ABCD3: variants seen among roughly 807,000 people sequenced by gnomAD.
ABCD3 encodes the protein ATP binding cassette subfamily D member 3, also known as ATP-binding cassette sub-family D member 3.
A neutral mutation model predicts 105.5 loss-of-function variants in ABCD3; 41 were observed. The observed-to-expected ratio is 0.39, with a 90% confidence interval of 0.30 to 0.50. The LOEUF is 0.50. Among genes scored for constraint, ABCD3 ranks in the 20% least tolerant of loss-of-function variants. The probability of loss-of-function intolerance (pLI) is 0.84; values close to 1 mark genes in which losing one functional copy is unlikely to be tolerated. For missense variants in ABCD3, 622 were observed against 806.3 expected, an observed-to-expected ratio of 0.77 and a Z score of 2.77; for synonymous variants, 258 against 269.0, an observed-to-expected ratio of 0.96 and a Z score of 0.40.
At chr1:94,510,191 C>G (rs1367377256) in intron 21 of ABCD3, among the ~76,000 whole-genome samples, 17 of 152,106 alleles carry the variant, frequency 1.1e-4, no homozygotes, top group Admixed American at 9.8e-4. Context: ...TATGTTGTGT[C>G]TTTGTTCTCC....
At chr1:94,409,871 G>A in the ABCD3 span, among the ~76,000 whole-genome samples, 1 of 152,172 alleles carries the variant, frequency 6.6e-6, no homozygotes. Context: ...GCTCAGCAAA[G>A]TATCCAATCA....
intron 1 of ABCD3, among the ~76,000 whole-genome samples, chr1:94,422,699 T>G (rs1172227672): frequency 6.6e-6 from 1 of 152,228 alleles, no homozygotes; most frequent in African/African-American, 2.4e-5. Flanking sequence ...GAAGAACTTT[T>G]AAGCGTAATT....
chr1:94,423,677 T>C (rs1054774234), intron 1 of ABCD3, among the ~76,000 whole-genome samples: 4 of 152,182 alleles, frequency 2.6e-5, no homozygotes, highest in African/African-American at 9.7e-5. Context: ...ATGCTTTTAT[T>C]TAGAAGTTTT....
At chr1:94,484,801 A>G (rs534048382) in intron 10 of ABCD3, among the ~76,000 whole-genome samples, 1 of 152,338 alleles carries the variant, frequency 6.6e-6, no homozygotes, top group South Asian at 2.1e-4. Context: ...ACATAAAAAA[A>G]AAATTAAGTG....
intron 8 of ABCD3, chr1:94,478,787 A>G: frequency 1.6e-6 from 1 of 641,032 alleles, no homozygotes; most frequent in Middle Eastern, 5.3e-4. Context: ...CCATTTTAAT[A>G]TGAAATTCTA....
At position 94,518,515 on chromosome 1, in the gene ABCD3, C is replaced by A. The variant is rs1006036599; in HGVS notation, c.*1386C>A. On this transcript the variant is annotated 3_prime_UTR_variant, in exon 23 of 23. Coordinates refer to ENST00000370214, the MANE Select transcript of ABCD3 (RefSeq NM_002858.4). ...TCAGATTAAAAAAAAAAAAAAAAAA[C>A]TCAGATATCCTATACAACCTTTGCT... The A allele has an allele frequency of 2.4e-4, 34 of 139,854 alleles. No individual in the cohort carries two copies. Among genetic ancestry groups the A allele is most frequent in the African/African-American group, 8.6e-4 (33 of 38,298 alleles). 8.7% of individuals were successfully genotyped at this position (139,854 alleles called of 1,614,324 possible). A position where few individuals can be genotyped will look rare whatever the true frequency, so the allele number is the denominator to read the frequency against.
chr1:94,508,385 G>T (rs1650471844), intron 21 of ABCD3, among the ~76,000 whole-genome samples: 1 of 152,156 alleles, frequency 6.6e-6, no homozygotes, highest in East Asian at 1.9e-4. Context: ...TGCTGTTTTG[G>T]TTACTGTAGC....
chr1:94,439,169 A>G (rs1019225320), intron 1 of ABCD3, among the ~76,000 whole-genome samples: 5 of 152,070 alleles, frequency 3.3e-5, no homozygotes, highest in African/African-American at 4.8e-5. Flanking sequence ...GTACTTGAAA[A>G]TTTGTCTGGA....
intron 13 of ABCD3, among the ~76,000 whole-genome samples, chr1:94,489,305 TAATA>T (rs2101023415): frequency 6.6e-6 from 1 of 152,188 alleles, no homozygotes; most frequent in Admixed American, 6.5e-5. Flanking sequence ...GGCATACATT[TAATA>T]AATGCCTTCC....
At chr1:94,443,012 T>A (rs1660189243) in intron 1 of ABCD3, among the ~76,000 whole-genome samples, 1 of 152,172 alleles carries the variant, frequency 6.6e-6, no homozygotes. Context: ...GAATGGTAGT[T>A]CTGTTTTTAG....
chr1:94,388,306 T>C, the ABCD3 span, among the ~76,000 whole-genome samples: 1 of 152,184 alleles, frequency 6.6e-6, no homozygotes, highest in Non-Finnish European at 1.5e-5. Context: ...CACAAAGATA[T>C]ATTGTTGCAT....
chr1:94,422,411 TCATCCTGAAAC>T (rs1434159162), intron 1 of ABCD3, among the ~76,000 whole-genome samples: 3 of 152,220 alleles, frequency 2.0e-5, no homozygotes, highest in Admixed American at 6.5e-5. Flanking sequence ...CAAAACAGTT[TCATCCTGAAAC>T]CATCCCCCAA....
Position 94,489,912 on chromosome 1 carries a change from G to A in ABCD3, c.1259G>A (p.Gly420Glu). 6.2e-7 allele frequency: 1 copy of A among 1,613,042 alleles called. No individual in the cohort carries two copies. Among genetic ancestry groups the A allele is most frequent in the Non-Finnish European group, 8.5e-7 (1 of 1,179,256 alleles). The change falls in exon 15 of 23, where the codon GGA becomes GAA. Residue 420 changes from glycine (G) to glutamate (E), a missense_variant. Around this residue, in one of 4 missense-constraint regions of ABCD3, gnomAD observed 285 missense variants for 352.5 expected, o/e 0.81. Coordinates refer to ENST00000370214, the MANE Select transcript of ABCD3 (RefSeq NM_002858.4). Reference sequence around the variant, plus strand: ...CTATTTTCCATTTAAGGTATTGAAGGAGTACAAGTCATTCCCTTGATACCT... The same window carrying A: ...CTATTTTCCATTTAAGGTATTGAAGAAGTACAAGTCATTCCCTTGATACCT... ...MVSQQEKGIEGVQVIPLIPGA... is the reference protein window; with the variant it reads ...MVSQQEKGIEEVQVIPLIPGA...
chr1:94,415,119 C>G (rs528499043), upstream of ABCD3, among the ~76,000 whole-genome samples: 1 of 152,318 alleles, frequency 6.6e-6, no homozygotes, highest in Non-Finnish European at 1.5e-5. Context: ...CAATCCAAGA[C>G]ACCAAGGCAG....
intron 3 of ABCD3, among the ~76,000 whole-genome samples, chr1:94,465,521 TGC>T (rs1648094597): frequency 6.6e-6 from 1 of 152,234 alleles, no homozygotes; most frequent in African/African-American, 2.4e-5. Context: ...GCTAGGGTAC[TGC>T]CATACAGCTA....
intron 1 of ABCD3, among the ~76,000 whole-genome samples, chr1:94,450,562 A>C (rs1265532197): frequency 6.6e-6 from 1 of 152,226 alleles, no homozygotes; most frequent in Non-Finnish European, 1.5e-5. Flanking sequence ...AGCCAGACCC[A>C]TCCCTTTATT....
intron 15 of ABCD3, among the ~76,000 whole-genome samples, chr1:94,490,618 A>T (rs544792851): frequency 6.6e-6 from 1 of 152,042 alleles, no homozygotes; most frequent in African/African-American, 2.4e-5. Context: ...TTTTGTGTGT[A>T]TGTGAATATA....
Position 94,418,497 on chromosome 1 carries a change from T to C in ABCD3, c.19T>C (p.Tyr7His), listed in dbSNP as rs1659114107. The change falls in exon 1 of 23, where the codon TAC becomes CAC. Residue 7 changes from tyrosine (Y) to histidine (H), a missense_variant. Coordinates refer to ENST00000370214, the MANE Select transcript of ABCD3 (RefSeq NM_002858.4). The stretch of plus-strand genomic sequence containing the variant: ...CAGTGCCATGGCGGCCTTCAGCAAG[T>C]ACTTGACGGCGCGAAACTCCTCGCT... MAAFSK[Y>H]LTARNSSLAG... The C allele has an allele frequency of 6.2e-6, 10 of 1,604,202 alleles. No homozygotes were observed. The highest frequency in any genetic ancestry group is 8.5e-6 in the Non-Finnish European group (10 of 1,178,826).
intron 8 of ABCD3, 93 bp from the exon 9 acceptor site, chr1:94,480,371 A>T: frequency 6.7e-7 from 1 of 1,501,000 alleles, no homozygotes. Flanking sequence ...TCAGTCATTG[A>T]GGTTAATTAT....
Sources: gnomAD v4.1 joint callset for allele counts (sites outside exome capture counted in the v4.1 genomes callset) on GRCh38, gnomAD v4.1.1 for gene constraint, gnomAD v4.1.1 regional missense constraint, MANE v1.5 for transcripts, NCBI Gene and HGNC (gene_info 2026-07-23, HGNC 2026-07-21) for gene names.